JHY: variants seen among roughly 807,000 people sequenced by gnomAD.
The protein encoded by JHY is junctional cadherin complex regulator.
Under a neutral mutation model 78.0 loss-of-function variants are expected in JHY, and 69 were observed. That is an observed-to-expected ratio of 0.88 (90% CI 0.73 to 1.08). The LOEUF (loss-of-function observed/expected upper bound fraction) is 1.08. Among genes scored for constraint, JHY ranks in the 50% least tolerant of loss-of-function variants. The probability of loss-of-function intolerance (pLI) is 0.00; values close to 1 mark genes in which losing one functional copy is unlikely to be tolerated. For synonymous variants in JHY, 368 were observed against 342.6 expected (o/e 1.07, Z -0.82); for missense variants, 944 against 927.8 (o/e 1.02, Z -0.23).
intron 6 of JHY, 91 bp downstream of exon 6, chr11:122,946,883 T>C (rs1421435550): frequency 6.9e-7 from 1 of 1,455,520 alleles, no homozygotes; most frequent in African/African-American, 1.4e-5. Flanking sequence ...ATAGGGATGG[T>C]CATTACTGAG....
intron 3 of JHY, among the ~76,000 whole-genome samples, chr11:122,918,845 T>C (rs555554898): frequency 4.1e-5 from 6 of 146,806 alleles, no homozygotes; most frequent in Non-Finnish European, 8.8e-5. Context: ...CTGCACATGG[T>C]CCGTCCTTTT....
rs931161946 is a variant in JHY, at chr11:122,917,698, G to A, written c.865-7199G>A. 6.6e-6 allele frequency among the ~76,000 whole-genome samples: 1 copy of A among 152,162 alleles called. No individual in the cohort carries two copies. ...AGTAGTGGAGCAATTTCAGTGCAAT[G>A]TGTGAGCTTTGTGATTTTTTTGTTT... is the stretch of plus-strand genomic sequence containing the variant. On this transcript the variant is annotated intron_variant, in intron 3 of 8. Coordinates refer to ENST00000227349, the MANE Select transcript of JHY (RefSeq NM_024806.4). The surrounding 1 kb of genome is among the most constrained non-coding windows in gnomAD (Gnocchi z 4.1).
In JHY at chr11:122,898,570, T is replaced by TA. The variant is rs1447828362; in HGVS notation, c.345-5355_345-5354insA. Among the ~76,000 whole-genome samples the TA allele has an allele frequency of 3.3e-5, 5 of 151,954 alleles. No individual in the cohort carries two copies. The highest frequency in any genetic ancestry group is 7.4e-5 in the Non-Finnish European group (5 of 68,010). On this transcript the variant is annotated intron_variant, in intron 2 of 8. Transcript: ENST00000227349. The surrounding 1 kb of genome is among the most constrained non-coding windows in gnomAD (Gnocchi z 4.4). ...TCCCTTTCCACATCCCACTCCTGAG[T>TA]GAGTAGCAGAACAGTGATCCCCAGT...
chr11:122,886,225 G>A (rs767224058), intron 2 of JHY, 32 bp downstream of exon 2: 7 of 1,551,084 alleles, frequency 4.5e-6, no homozygotes, highest in Non-Finnish European at 6.1e-6. Context: ...GATAATAATG[G>A]GCTCTAAAAT....
intron 2 of JHY, among the ~76,000 whole-genome samples, chr11:122,892,454 C>G (rs1248199002): frequency 6.6e-6 from 1 of 151,978 alleles, no homozygotes; most frequent in Non-Finnish European, 1.5e-5. Flanking sequence ...TCCTGAGTAA[C>G]TGGGACTACA....
intron 4 of JHY, among the ~76,000 whole-genome samples, chr11:122,932,244 G>A (rs961277415): frequency 2.0e-5 from 3 of 152,116 alleles, no homozygotes; most frequent in African/African-American, 4.8e-5. Context: ...GAGAAAAATC[G>A]TATCAAGCCC....
Position 122,883,206 on chromosome 11 carries a change from C to T in JHY, c.-90+234C>T, listed in dbSNP as rs1862421631. ...CGGGCACCCAGAGCAGCCCTGTTCC[C>T]GGTCAATTAGGACCGGTCCCGGGCA... On this transcript the variant is annotated intron_variant, in intron 1 of 8. Coordinates refer to ENST00000227349, the MANE Select transcript of JHY (RefSeq NM_024806.4). The surrounding 1 kb of genome is among the most constrained non-coding windows in gnomAD (Gnocchi z 4.4). Among the ~76,000 whole-genome samples, 1 of 152,146 alleles carries T rather than the reference C, an allele frequency of 6.6e-6. No homozygotes were observed. Among genetic ancestry groups the T allele is most frequent in the Admixed American group, 6.5e-5 (1 of 15,286 alleles).
chr11:122,933,962 A>G (rs1383612698), intron 4 of JHY, among the ~76,000 whole-genome samples: 1 of 152,206 alleles, frequency 6.6e-6, no homozygotes, highest in Non-Finnish European at 1.5e-5. Flanking sequence ...CTTTTAAGTC[A>G]AAGACTTAAC....
chr11:122,960,682 G>A lies in JHY; in HGVS notation c.*1237G>A. On this transcript the variant is annotated 3_prime_UTR_variant, in exon 9 of 9. Transcript: ENST00000227349. ...CTTGTCTATGTAATTTAAAAATATG[G>A]TGCCTCTATTGGAGAATCTGCTTAT... 2.6e-6 allele frequency: 1 copy of A among 379,654 alleles called. No homozygotes were observed. Among genetic ancestry groups the A allele is most frequent in the South Asian group, 2.6e-5 (1 of 38,010 alleles). 23.5% of individuals were successfully genotyped at this position (379,654 alleles called of 1,614,324 possible).
intron 3 of JHY, among the ~76,000 whole-genome samples, chr11:122,920,768 A>T (rs1375371877): frequency 6.6e-6 from 1 of 152,154 alleles, no homozygotes; most frequent in Non-Finnish European, 1.5e-5. Flanking sequence ...CCTCAGTGTA[A>T]ACACCTCATC....
intron 3 of JHY, among the ~76,000 whole-genome samples, chr11:122,916,948 G>A (rs1863246620): frequency 6.6e-6 from 1 of 152,028 alleles, no homozygotes; most frequent in South Asian, 2.1e-4. Context: ...AGGTTTTTGT[G>A]AATGCTTCCC....
At position 122,935,838 on chromosome 11, in the gene JHY, T is replaced by C. The variant is rs778626364; in HGVS notation, c.1634+763T>C. ...AGGTAAATTATGATATTTAGTATCA[T>C]GGAACCACTAAAAATTATGGTTATG... On this transcript the variant is annotated intron_variant, in intron 5 of 8. Transcript: ENST00000227349. The surrounding 1 kb of genome is among the most constrained non-coding windows in gnomAD (Gnocchi z 4.5). Among the ~76,000 whole-genome samples, 2 of 152,314 alleles carry C rather than the reference T, an allele frequency of 1.3e-5. No homozygotes were observed. Among genetic ancestry groups the C allele is most frequent in the African/African-American group, 4.8e-5 (2 of 41,572 alleles).
intron 2 of JHY, among the ~76,000 whole-genome samples, chr11:122,886,917 T>C (rs1473727197): frequency 6.6e-6 from 1 of 152,240 alleles, no homozygotes; most frequent in Non-Finnish European, 1.5e-5. Flanking sequence ...TATGATCATA[T>C]AAAGATTTAA....
chr11:122,937,447 C>G (rs868110609), intron 5 of JHY, among the ~76,000 whole-genome samples: 7 of 152,126 alleles, frequency 4.6e-5, no homozygotes, highest in South Asian at 2.1e-4. Context: ...CTTTCTTTCT[C>G]TTTCGAGACT....
At chr11:122,945,514 G>A (rs918526127) in intron 5 of JHY, among the ~76,000 whole-genome samples, 1 of 152,164 alleles carries the variant, frequency 6.6e-6, no homozygotes, top group African/African-American at 2.4e-5. Flanking sequence ...GTGTGTATGT[G>A]TGTCTGCTGA....
intron 6 of JHY, among the ~76,000 whole-genome samples, chr11:122,948,218 T>C (rs1591397763): frequency 6.6e-6 from 1 of 151,678 alleles, no homozygotes; most frequent in East Asian, 1.9e-4. Flanking sequence ...CTGAGGTGTG[T>C]GGATCACCTG....
Position 122,934,732 on chromosome 11 carries a change from A to C in JHY, c.1291A>C (p.Arg431=), listed in dbSNP as rs763582000. The change falls in exon 5 of 9, where the codon AGA becomes CGA. Residue 431 remains arginine, a synonymous_variant. Transcript: ENST00000227349. ...TGATGTACAAGCCTCAAGGGCACTTAGAAGCCACAATCTCAAAGAAACCTC... is the reference window on the plus strand; with the variant it reads ...TGATGTACAAGCCTCAAGGGCACTTCGAAGCCACAATCTCAAAGAAACCTC... The part of the protein sequence containing the change: ...NNDVQASRAL[R]SHNLKETSNT... 9.3e-6 allele frequency: 15 copies of C among 1,614,258 alleles called. No individual in the cohort carries two copies. The highest frequency in any genetic ancestry group is 1.3e-5 in the Non-Finnish European group (15 of 1,180,042).
At chr11:122,894,693 A>G (rs1862700816) in intron 2 of JHY, among the ~76,000 whole-genome samples, 1 of 152,244 alleles carries the variant, frequency 6.6e-6, no homozygotes, top group South Asian at 2.1e-4. Flanking sequence ...TCTTGAATCA[A>G]GACTGGTACT....
Position 122,928,927 on chromosome 11 carries a change from C to T in JHY, c.978+3917C>T, listed in dbSNP as rs138729820. Among the ~76,000 whole-genome samples the T allele has an allele frequency of 5.7e-3, 860 of 151,074 alleles. 8 individuals are homozygous for T. Among genetic ancestry groups the T allele is most frequent in the African/African-American group, 0.018 (728 of 41,094 alleles). ...CCTCCCAAAGTGCCAGGATTACAGG[C>T]GTGAGCCAACACGCCTGGCCCATTT... On this transcript the variant is annotated intron_variant, in intron 4 of 8. Coordinates refer to ENST00000227349, the MANE Select transcript of JHY (RefSeq NM_024806.4).
Sources: allele counts gnomAD v4.1 joint callset (sites outside exome capture counted in the v4.1 genomes callset), GRCh38; gene constraint gnomAD v4.1.1; non-coding constraint Gnocchi (gnomAD v3.1); transcripts MANE v1.5; gene names NCBI Gene and HGNC (gene_info 2026-07-23, HGNC 2026-07-21).